The following IQCH variants were observed in gnomAD, a reference collection of about 807,000 sequenced individuals.
The protein encoded by IQCH is IQ domain-containing protein H.
In IQCH, 98 loss-of-function variants were observed where a neutral mutation model predicts 117.0. That is an observed-to-expected ratio of 0.84 (90% CI 0.71 to 0.99). IQCH has a LOEUF of 0.99. Among genes scored for constraint, IQCH ranks in the 50% least tolerant of loss-of-function variants. The pLI is 0.00. For missense variants in IQCH, 1,102 were observed against 1,243.8 expected (o/e 0.89, Z 1.72); for synonymous variants, 412 against 448.2 (o/e 0.92, Z 1.02).
chr15:67,358,174 TTCTTTTTTAACCATCATGAGGCAC>T (rs1969980726), intron 7 of IQCH, among the ~76,000 whole-genome samples: 2 of 79,194 alleles, frequency 2.5e-5, no homozygotes, highest in Non-Finnish European at 5.8e-5. Context: ...TTTTTTTTTT[TTCTTTTTTAACCATCATGAGGCAC>T]TTTCTTTTCT....
intron 3 of IQCH, among the ~76,000 whole-genome samples, chr15:67,273,613 A>G (rs1048568228): frequency 3.9e-5 from 6 of 152,178 alleles, no homozygotes; most frequent in Non-Finnish European, 5.9e-5. Flanking sequence ...ACATAGTTTT[A>G]TATTGCCTAT....
In IQCH at chr15:67,366,930, A is replaced by G. The variant is rs984999565; in HGVS notation, c.754-5181A>G. On this transcript the variant is annotated intron_variant, in intron 8 of 20. Coordinates refer to ENST00000335894, the MANE Select transcript of IQCH (RefSeq NM_001031715.3). The surrounding 1 kb of genome is among the most constrained non-coding windows in gnomAD (Gnocchi z 4.4). ...ATCCCCCAGGTTTTTTTCATGGTGC[A>G]TAAAGTGATGCCATTGGAGATAGTT... 2.6e-5 allele frequency among the ~76,000 whole-genome samples: 4 copies of G among 152,200 alleles called. No individual in the cohort carries two copies. Among genetic ancestry groups the G allele is most frequent in the Admixed American group, 6.5e-5 (1 of 15,276 alleles).
Position 67,489,988 on chromosome 15 carries a change from A to C in IQCH, c.2800-15A>C. ...ATAATATACTATTTCTTTTCTCCCC[A>C]TTCAAATTTTACAGGAAAGGCAAGG... On this transcript the variant is annotated splice_polypyrimidine_tract_variant and intron_variant, in intron 18 of 20. Transcript: ENST00000335894. 2 of 1,568,170 alleles carry C rather than the reference A, an allele frequency of 1.3e-6. No homozygotes were observed. Among genetic ancestry groups the C allele is most frequent in the Non-Finnish European group, 1.8e-6 (2 of 1,139,322 alleles).
At chr15:67,477,968 A>C (rs8026627) in intron 18 of IQCH, among the ~76,000 whole-genome samples, 64,830 of 152,136 alleles carry the variant, frequency 0.43, 14,793 homozygotes, top group Non-Finnish European at 0.52. Context: ...AGTTGATCGG[A>C]TCTATTTCCA....
intron 3 of IQCH, among the ~76,000 whole-genome samples, chr15:67,272,868 A>G (rs1025548983): frequency 1.3e-5 from 2 of 152,138 alleles, no homozygotes; most frequent in African/African-American, 4.8e-5. Flanking sequence ...TTATCCATTC[A>G]GCCACACTGT....
Position 67,330,649 on chromosome 15 carries a change from C to T in IQCH, c.388-6326C>T, listed in dbSNP as rs1968624327. Among the ~76,000 whole-genome samples the T allele has an allele frequency of 1.3e-5, 2 of 152,064 alleles. 1 individual carries two copies. The highest frequency in any genetic ancestry group is 4.8e-5 in the African/African-American group (2 of 41,404). On this transcript the variant is annotated intron_variant, in intron 4 of 20. Transcript: ENST00000335894. ...GAAAGCATCAGAAACTAAGAAAGTGCAGTAAAAAAACAACAAAAAACAAAC... is the reference window on the plus strand; with the variant it reads ...GAAAGCATCAGAAACTAAGAAAGTGTAGTAAAAAAACAACAAAAAACAAAC...
At position 67,395,263 on chromosome 15, in the gene IQCH, T is replaced by G; in HGVS notation, c.1633-28T>G. ...ATGGACTAGAAAAAAGGACACCTTT[T>G]AACAAGAATAATATGATCTTCCCCC... On this transcript the variant is annotated intron_variant, in intron 12 of 20. Coordinates refer to ENST00000335894, the MANE Select transcript of IQCH (RefSeq NM_001031715.3). This position sits in a 1 kb window ranked among gnomAD's most constrained non-coding sequence, Gnocchi z 4.0. 3 of 1,596,048 alleles carry G rather than the reference T, an allele frequency of 1.9e-6. No individual in the cohort carries two copies. The highest frequency in any genetic ancestry group is 1.7e-6 in the Non-Finnish European group (2 of 1,170,412).
At chr15:67,315,314 A>C (rs1176818884) in intron 4 of IQCH, among the ~76,000 whole-genome samples, 3 of 152,224 alleles carry the variant, frequency 2.0e-5, no homozygotes, top group African/African-American at 7.2e-5. Flanking sequence ...GGTGAGCAGC[A>C]GAATCACACT....
At chr15:67,338,792 A>G (rs1356776086) in intron 5 of IQCH, among the ~76,000 whole-genome samples, 3 of 152,130 alleles carry the variant, frequency 2.0e-5, no homozygotes, top group Non-Finnish European at 4.4e-5. Flanking sequence ...CTGATCTTAG[A>G]AGAAACTCTG....
rs746971338 is a variant in IQCH, at chr15:67,372,466, C to G, written c.1109C>G (p.Ser370Trp). The G allele has an allele frequency of 1.9e-6, 3 of 1,613,750 alleles. No homozygotes were observed. Among genetic ancestry groups the G allele is most frequent in the East Asian group, 2.2e-5 (1 of 44,868 alleles). Residue 370 changes from serine to tryptophan, a missense_variant, in exon 9 of 21, where the codon TCG becomes TGG. Ser to Trp is a radical substitution (Grantham distance 177). Around this residue, in one of 2 missense-constraint regions of IQCH, gnomAD observed 452 missense variants for 449.6 expected, o/e 1.01. Transcript: ENST00000335894. ...AGGTACAAGGGCCAAGATGGAAATT[C>G]GGAGGCCGCCATGAAGATCCAAGCC... is the stretch of plus-strand genomic sequence containing the variant. ...GQRYKGQDGN[S>W]EAAMKIQATW... is the part of the protein sequence containing the mutation.
rs753268392 is a variant in IQCH, at chr15:67,279,469, A to C, written c.344A>C (p.Gln115Pro). ...QESEGTFWQP[Q>P]RQHSSSLPVF... ...TCTGAGGGTACATTTTGGCAACCCC[A>C]AAGACAGCACAGTTCATCTCTGCCT... is the stretch of plus-strand genomic sequence containing the variant. The change falls in exon 4 of 21, where the codon CAA (glutamine) becomes CCA (proline). Residue 115 changes from glutamine (Q) to proline (P), a missense_variant. Around this residue, in one of 2 missense-constraint regions of IQCH, gnomAD observed 452 missense variants for 449.6 expected, o/e 1.01. Transcript: ENST00000335894. 6.8e-6 allele frequency: 11 copies of C among 1,610,492 alleles called. No individual in the cohort carries two copies. The highest frequency in any genetic ancestry group is 8.5e-6 in the Non-Finnish European group (10 of 1,177,524).
Position 67,342,879 on chromosome 15 carries a change from C to G in IQCH, c.509-1184C>G, listed in dbSNP as rs563811268. 2.6e-5 allele frequency among the ~76,000 whole-genome samples: 4 copies of G among 152,266 alleles called. No individual in the cohort carries two copies. The South Asian group carries it at 8.3e-4, about 32-fold the overall frequency. On this transcript the variant is annotated intron_variant, in intron 5 of 20. Coordinates refer to ENST00000335894, the MANE Select transcript of IQCH (RefSeq NM_001031715.3). The surrounding 1 kb of genome is among the most constrained non-coding windows in gnomAD (Gnocchi z 4.7). ...ATATCTCCTGGAGCCTTCAATAATG[C>G]AGATTCCCAGGCCCTGTCCTCAGAA... is the stretch of plus-strand genomic sequence containing the variant.
rs1431773822 is a variant in IQCH, at chr15:67,474,536, A to G, written c.2677-1160A>G. 3.9e-5 allele frequency among the ~76,000 whole-genome samples: 6 copies of G among 152,188 alleles called. No individual in the cohort carries two copies. Among genetic ancestry groups the G allele is most frequent in the Non-Finnish European group, 7.3e-5 (5 of 68,034 alleles). ...CAGTTCTTTATCTGGTACATATTAA[A>G]TTTTAAATGTTTTCAGGAAATACAT... On this transcript the variant is annotated intron_variant, in intron 17 of 20. Coordinates refer to ENST00000335894, the MANE Select transcript of IQCH (RefSeq NM_001031715.3). The surrounding 1 kb of genome is among the most constrained non-coding windows in gnomAD (Gnocchi z 4.1).
intron 10 of IQCH, among the ~76,000 whole-genome samples, chr15:67,377,972 G>A (rs939253234): frequency 6.6e-6 from 1 of 152,104 alleles, no homozygotes; most frequent in African/African-American, 2.4e-5. Context: ...TTATTATGAA[G>A]TTCATGAAAT....
rs1395194575 is a variant in IQCH, at chr15:67,463,792, A to C, written c.2506-1335A>C. 3.9e-5 allele frequency among the ~76,000 whole-genome samples: 6 copies of C among 152,094 alleles called. No homozygotes were observed. The highest frequency in any genetic ancestry group is 8.8e-5 in the Non-Finnish European group (6 of 68,028). On this transcript the variant is annotated intron_variant, in intron 16 of 20. Coordinates refer to ENST00000335894, the MANE Select transcript of IQCH (RefSeq NM_001031715.3). The surrounding 1 kb of genome is among the most constrained non-coding windows in gnomAD (Gnocchi z 4.0). Reference sequence around the variant, plus strand: ...CCACCCCATTATTTTATCACATATAAAATTCTATTGTTTAATTGGATATGT... The same window carrying C: ...CCACCCCATTATTTTATCACATATACAATTCTATTGTTTAATTGGATATGT...
At chr15:67,495,953 T>G (rs1028491776) in intron 20 of IQCH, among the ~76,000 whole-genome samples, 1 of 152,246 alleles carries the variant, frequency 6.6e-6, no homozygotes, top group Non-Finnish European at 1.5e-5. Context: ...TCCTACTTAG[T>G]GGCATTGTGG....
intron 6 of IQCH, 122 bp from the exon 7 acceptor site, chr15:67,357,223 G>A: frequency 1.4e-6 from 1 of 691,384 alleles, no homozygotes; most frequent in Non-Finnish European, 2.7e-6. Flanking sequence ...CAGAAAGAAA[G>A]GTAGTGAGCG....
chr15:67,312,759 T>C (rs1244012987), intron 4 of IQCH, among the ~76,000 whole-genome samples: 1 of 152,156 alleles, frequency 6.6e-6, no homozygotes, highest in Non-Finnish European at 1.5e-5. Context: ...CAGCAAGTAG[T>C]GTGATAGCAT....
intron 4 of IQCH, among the ~76,000 whole-genome samples, chr15:67,334,705 G>C (rs931135585): frequency 3.3e-5 from 5 of 152,162 alleles, no homozygotes; most frequent in African/African-American, 9.7e-5. Flanking sequence ...TTTTTAAAAA[G>C]CTCCCTGAGC....
Sources: allele counts gnomAD v4.1 joint callset (sites outside exome capture counted in the v4.1 genomes callset), GRCh38; gene constraint gnomAD v4.1.1; regional missense constraint gnomAD v4.1.1; non-coding constraint Gnocchi (gnomAD v3.1); transcripts MANE v1.5; gene names NCBI Gene and HGNC (gene_info 2026-07-23, HGNC 2026-07-21).